ZNF106: variants seen among roughly 807,000 people sequenced by gnomAD.
The protein encoded by ZNF106 is SH3-domain binding protein 3.
A neutral mutation model predicts 195.1 loss-of-function variants in ZNF106; 67 were observed. The observed-to-expected ratio is 0.34, with a 90% CI of 0.28 to 0.42. ZNF106 has a LOEUF of 0.42. ZNF106 is among the 10% of genes least tolerant of loss of function. The pLI, the probability that ZNF106 is intolerant of heterozygous loss-of-function variation, is 1.00. For synonymous variants in ZNF106, 784 were observed against 818.6 expected (o/e 0.96, Z 0.72); for missense variants, 2,118 against 2,304.5 (o/e 0.92, Z 1.66).
intron 11 of ZNF106, 70 bp downstream of exon 11, chr15:42,438,963 A>G (rs2055391013): frequency 6.7e-7 from 1 of 1,502,706 alleles, no homozygotes; most frequent in South Asian, 1.4e-5. Flanking sequence ...CTGATTCATA[A>G]TTTCAAATTC....
chr15:42,420,988 T>G (rs944098936), intron 20 of ZNF106, 73 bp downstream of exon 20: 2 of 1,294,668 alleles, frequency 1.5e-6, no homozygotes, highest in Non-Finnish European at 2.2e-6. Context: ...CTGATGATAA[T>G]GAAGATCTAT....
intron 6 of ZNF106, 32 bp downstream of exon 6, chr15:42,448,040 G>A (rs1033496543): frequency 5.7e-6 from 9 of 1,565,956 alleles, no homozygotes; most frequent in Admixed American, 1.9e-5. Flanking sequence ...CACATGCGAT[G>A]TTCTACAAAA....
intron 14 of ZNF106, among the ~76,000 whole-genome samples, chr15:42,432,151 ATTCC>A (rs1363680984): frequency 6.6e-6 from 1 of 151,812 alleles, no homozygotes; most frequent in Non-Finnish European, 1.5e-5. Flanking sequence ...CTCCAGTAGT[ATTCC>A]TTGTCTTTTT....
At chr15:42,476,097 C>T (rs1473146273) in intron 1 of ZNF106, among the ~76,000 whole-genome samples, 1 of 152,088 alleles carries the variant, frequency 6.6e-6, no homozygotes, top group African/African-American at 2.4e-5. Context: ...TTTTTCCTTT[C>T]ACAAGCTCAT....
At chr15:42,487,693 T>A (rs2141469883) in intron 1 of ZNF106, among the ~76,000 whole-genome samples, 1 of 152,238 alleles carries the variant, frequency 6.6e-6, no homozygotes, top group Middle Eastern at 3.4e-3. Flanking sequence ...TGGTATTAAA[T>A]ACATTCATAA....
chr15:42,445,087 T>G (rs1282857370), intron 7 of ZNF106, 106 bp from the exon 8 acceptor site: 1 of 1,319,688 alleles, frequency 7.6e-7, no homozygotes, highest in Admixed American at 2.3e-5. Context: ...GACTTTATGT[T>G]CTCCTCAGTA....
At chr15:42,420,872 C>T (rs749924152) in intron 20 of ZNF106, among the ~76,000 whole-genome samples, 189 bp downstream of exon 20, 1 of 152,148 alleles carries the variant, frequency 6.6e-6, no homozygotes, top group Admixed American at 6.5e-5. Context: ...CTGTTGTTTT[C>T]TAAGCATGTA....
intron 1 of ZNF106, among the ~76,000 whole-genome samples, chr15:42,488,692 G>A (rs1199931543): frequency 6.6e-6 from 1 of 152,126 alleles, no homozygotes; most frequent in Non-Finnish European, 1.5e-5. Context: ...CTCAACTCTT[G>A]TAGAGCAGCC....
intron 1 of ZNF106, among the ~76,000 whole-genome samples, chr15:42,484,120 A>T (rs570823936): frequency 3.3e-5 from 5 of 152,352 alleles, no homozygotes; most frequent in African/African-American, 1.2e-4. Flanking sequence ...TTATTATAAC[A>T]ATCCCCAGTG....
intron 3 of ZNF106, among the ~76,000 whole-genome samples, chr15:42,465,666 A>G (rs2056498985): frequency 6.6e-6 from 1 of 152,252 alleles, no homozygotes; most frequent in Non-Finnish European, 1.5e-5. Context: ...GATGTCTCAG[A>G]CAATTCCAGC....
Position 42,414,651 on chromosome 15 carries a change from C to T in ZNF106, c.*2653G>A, listed in dbSNP as rs1474269254. 6.6e-6 allele frequency: 1 copy of T among 152,302 alleles called. No homozygotes were observed. 9.4% of individuals were successfully genotyped at this position (152,302 alleles called of 1,614,324 possible). A position where few individuals can be genotyped will look rare whatever the true frequency, so the allele number is the denominator to read the frequency against. On this transcript the variant is annotated 3_prime_UTR_variant, in exon 22 of 22. Coordinates refer to ENST00000564754, the MANE Select transcript of ZNF106 (RefSeq NM_001366845.3). ...TTCCCACAACTGCCCAACACCTCAC[C>T]TACCCGTTTCCTGCTGCACAAAGTC...
At chr15:42,478,694 T>G (rs552633027) in intron 1 of ZNF106, among the ~76,000 whole-genome samples, 1 of 151,990 alleles carries the variant, frequency 6.6e-6, no homozygotes, top group Non-Finnish European at 1.5e-5. Flanking sequence ...GTGTTTTTAG[T>G]AGAGACGGGG....
At chr15:42,438,193 C>T (rs2055359323) in intron 12 of ZNF106, among the ~76,000 whole-genome samples, 1 of 152,078 alleles carries the variant, frequency 6.6e-6, no homozygotes, top group South Asian at 2.1e-4. Flanking sequence ...TCGAGACCAG[C>T]CTGGCCAACA....
chr15:42,434,768 C>CTTTT (rs536454605), intron 14 of ZNF106, among the ~76,000 whole-genome samples: 2 of 134,808 alleles, frequency 1.5e-5, no homozygotes, highest in African/African-American at 5.5e-5. Flanking sequence ...ACATTTTGCT[C>CTTTT]TTTTTTTTTT....
At chr15:42,441,807 C>A in intron 10 of ZNF106, 1 of 277,948 alleles carries the variant, frequency 3.6e-6, no homozygotes, top group Non-Finnish European at 6.7e-6. Context: ...TGTACTTATC[C>A]TAATAAATGG....
At chr15:42,444,322 TC>T in intron 8 of ZNF106, 60 bp from the exon 9 acceptor site, 2 of 1,342,818 alleles carry the variant, frequency 1.5e-6, no homozygotes, top group Non-Finnish European at 2.1e-6. Flanking sequence ...CCTCTAGGTC[TC>T]CCCATTTTTC....
At chr15:42,443,934 T>G (rs1201208041) in intron 9 of ZNF106, among the ~76,000 whole-genome samples, 6 of 151,662 alleles carry the variant, frequency 4.0e-5, no homozygotes, top group Non-Finnish European at 4.4e-5. Flanking sequence ...TGGCGAACCC[T>G]GTAACCCTGT....
rs115062098 is a variant in ZNF106 at position 42,417,798 on chromosome 15, A to C, written c.5664+7T>G. 2.7e-3 allele frequency: 4,382 copies of C among 1,611,514 alleles called. 106 individuals are homozygous for C. The African/African-American group carries it at 0.052, about 19-fold the overall frequency. On this transcript the variant is annotated splice_region_variant and intron_variant, in intron 21 of 21. Coordinates refer to ENST00000564754, the MANE Select transcript of ZNF106 (RefSeq NM_001366845.3). The stretch of plus-strand genomic sequence containing the variant: ...TCCCAGGCAAACCTCAAGTCCCACT[A>C]ATGTACCTGTTTGGATCCTTTCCTA...
chr15:42,447,215 T>C (rs1180922936), intron 6 of ZNF106, among the ~76,000 whole-genome samples: 1 of 152,094 alleles, frequency 6.6e-6, no homozygotes, highest in Non-Finnish European at 1.5e-5. Flanking sequence ...GCTTATCACC[T>C]CAGTATTAAA....
Sources: gnomAD v4.1 joint callset for allele counts (sites outside exome capture counted in the v4.1 genomes callset) on GRCh38, gnomAD v4.1.1 for gene constraint, MANE v1.5 for transcripts, NCBI Gene and HGNC (gene_info 2026-07-23, HGNC 2026-07-21) for gene names.